The following CLEC2A variants were observed in gnomAD, a reference collection of about 807,000 sequenced individuals.
CLEC2A encodes the protein keratinocyte-associated C-type lectin.
A neutral mutation model predicts 18.6 loss-of-function variants in CLEC2A; 19 were observed. The ratio of observed to expected loss-of-function variants is 1.02; its 90% CI spans 0.71 to 1.50. The LOEUF is 1.50. Ranked by LOEUF, CLEC2A falls within the 40% of genes most tolerant of loss-of-function variation. The pLI is 0.00. For missense variants in CLEC2A, 190 were observed against 207.9 expected (o/e 0.91, Z 0.53); for synonymous variants, 74 against 64.0 (o/e 1.16, Z -0.75).
Position 9,926,315 on chromosome 12 carries a change from A to G in CLEC2A, c.84T>C (p.Ile28=). The G allele has an allele frequency of 6.5e-7, 1 of 1,549,836 alleles. No homozygotes were observed. Residue 28 remains isoleucine, a synonymous_variant, in exon 2 of 5, where the codon ATT becomes ATC. Transcript: ENST00000455827. The stretch of plus-strand genomic sequence containing the variant: ...TAATACTCAGGAAGCACATAAGGCC[A>G]ATCTTCCAGTTTTGTATCAACTTGG... The part of the protein sequence containing the change: ...IVPKLIQNWK[I]GLMCFLSIII...
chr12:9,925,126 G>A (rs978720016), intron 2 of CLEC2A, among the ~76,000 whole-genome samples: 1 of 152,066 alleles, frequency 6.6e-6, no homozygotes, highest in Non-Finnish European at 1.5e-5. Context: ...AACTCTACCT[G>A]CATCTTTAGG....
At chr12:9,913,780 T>C in intron 4 of CLEC2A, 100 bp from the exon 5 acceptor site, 2 of 720,412 alleles carry the variant, frequency 2.8e-6, no homozygotes, top group Admixed American at 3.3e-5. Flanking sequence ...TACCAAACAC[T>C]GAGCTCCCAG....
chr12:9,905,034 A>G (rs1461654209), intron 4 of CLEC2A, among the ~76,000 whole-genome samples: 1 of 152,236 alleles, frequency 6.6e-6, no homozygotes, highest in Non-Finnish European at 1.5e-5. Flanking sequence ...ATAACTGAAC[A>G]AGCATCAAAC....
At chr12:9,893,662 T>C in the CLEC2A span, 1 of 433,998 alleles carries the variant, frequency 2.3e-6, no homozygotes, top group Middle Eastern at 4.5e-4. Context: ...TACATTTTTT[T>C]CTACTTTTTC....
At chr12:9,879,456 T>C in the CLEC2A span, among the ~76,000 whole-genome samples, 122,723 of 152,150 alleles carry the variant, frequency 0.81, 49,534 homozygotes, top group South Asian at 0.86. Context: ...GAAACTTCAG[T>C]CATTTTCTTG....
downstream of CLEC2A, among the ~76,000 whole-genome samples, chr12:9,908,622 G>C (rs1424960743): frequency 6.6e-6 from 1 of 152,032 alleles, no homozygotes; most frequent in African/African-American, 2.4e-5. Flanking sequence ...AGAGCCCCTG[G>C]CCCCCCCTAT....
At chr12:9,926,457 A>G in intron 1 of CLEC2A, 114 bp from the exon 2 acceptor site, 3 of 666,602 alleles carry the variant, frequency 4.5e-6, no homozygotes, top group East Asian at 2.8e-5. Flanking sequence ...AATCAAGTAC[A>G]TACATCTCAA....
chr12:9,904,331 G>C (rs1222003911), intron 4 of CLEC2A, among the ~76,000 whole-genome samples: 2 of 152,166 alleles, frequency 1.3e-5, no homozygotes, highest in African/African-American at 4.8e-5. Context: ...TCGGCTGGAG[G>C]ACCATACGAG....
the CLEC2A span, among the ~76,000 whole-genome samples, chr12:9,884,540 T>C: frequency 4.0e-5 from 6 of 149,890 alleles, no homozygotes; most frequent in African/African-American, 1.5e-4. Flanking sequence ...ACATTTTATA[T>C]ATTATTCTTT....
chr12:9,887,188 G>C, the CLEC2A span, among the ~76,000 whole-genome samples: 2 of 151,814 alleles, frequency 1.3e-5, no homozygotes, highest in African/African-American at 4.8e-5. Flanking sequence ...AAGAGTAAAA[G>C]CAAAACCAAA....
At chr12:9,912,399 C>A (rs746904061), downstream of CLEC2A, among the ~76,000 whole-genome samples, 2 of 152,080 alleles carry the variant, frequency 1.3e-5, no homozygotes, top group Non-Finnish European at 2.9e-5. Context: ...AATGGCCTTT[C>A]CCCTGACCCT....
chr12:9,886,763 CAAAAAA>C, the CLEC2A span, among the ~76,000 whole-genome samples: 63 of 103,506 alleles, frequency 6.1e-4, 1 homozygote, highest in African/African-American at 1.9e-3. Context: ...CTATATCATG[CAAAAAA>C]AAAAAAAAAA....
intron 1 of CLEC2A, among the ~76,000 whole-genome samples, chr12:9,931,362 T>C (rs1019111339): frequency 1.3e-5 from 2 of 152,206 alleles, no homozygotes; most frequent in Non-Finnish European, 1.5e-5. Context: ...AGTTAGAATA[T>C]ACAACGAAGT....
At chr12:9,911,280 AG>A (rs927340785), downstream of CLEC2A, among the ~76,000 whole-genome samples, 13 of 152,308 alleles carry the variant, frequency 8.5e-5, no homozygotes, top group Non-Finnish European at 1.3e-4. Flanking sequence ...TAGGCATGTC[AG>A]GGCACAGCAA....
Position 9,932,190 on chromosome 12 carries a change from A to G in CLEC2A, c.55+85T>C, listed in dbSNP as rs1863386416. ...ACTTACTTTAGTAGACTTTCACAGT[A>G]AGTAAAGAGTCCATATTTTTAAGCT... On this transcript the variant is annotated intron_variant, in intron 1 of 4. Transcript: ENST00000455827. 11 of 974,288 alleles carry G rather than the reference A, an allele frequency of 1.1e-5. No homozygotes were observed. In the South Asian group the frequency reaches 1.4e-4, roughly 13 times the overall value. The allele number at this position is 974,288 out of a possible 1,614,324, so 60.4% of individuals were successfully genotyped here. A position where few individuals can be genotyped will look rare whatever the true frequency, so the allele number is the denominator to read the frequency against.
the CLEC2A span, among the ~76,000 whole-genome samples, chr12:9,878,937 C>T: frequency 1.3e-5 from 2 of 152,106 alleles, no homozygotes; most frequent in South Asian, 4.2e-4. Flanking sequence ...AACCTGGTGA[C>T]GACCTGCTGT....
chr12:9,932,238 T>G, intron 1 of CLEC2A, 37 bp downstream of exon 1: 4 of 1,420,424 alleles, frequency 2.8e-6, no homozygotes, highest in Non-Finnish European at 3.9e-6. Flanking sequence ...GTTTTATCTT[T>G]CCTTTACTTC....
chr12:9,902,697 A>T (rs1345779488), intron 4 of CLEC2A, among the ~76,000 whole-genome samples: 3 of 152,094 alleles, frequency 2.0e-5, no homozygotes, highest in Non-Finnish European at 4.4e-5. Flanking sequence ...AAGAACCAGC[A>T]TTGAGACAAA....
At chr12:9,881,592 A>C in the CLEC2A span, 6 of 1,526,422 alleles carry the variant, frequency 3.9e-6, no homozygotes, top group East Asian at 1.5e-4. Context: ...AGACATTTGA[A>C]GAGATGGAGA....
Sources: allele counts gnomAD v4.1 joint callset (sites outside exome capture counted in the v4.1 genomes callset), GRCh38; gene constraint gnomAD v4.1.1; transcripts MANE v1.5; gene names NCBI Gene and HGNC (gene_info 2026-07-23, HGNC 2026-07-21).